The following GPC3 variants were observed in gnomAD, a reference collection of about 807,000 sequenced individuals.
The protein encoded by GPC3 is glypican-3.
In GPC3, 3 loss-of-function variants were observed where a neutral mutation model predicts 34.4. The ratio of observed to expected loss-of-function variants is 0.09; its 90% CI spans 0.04 to 0.23. The LOEUF (loss-of-function observed/expected upper bound fraction) is 0.23. Ranked by LOEUF, GPC3 falls within the 10% of genes least tolerant of loss-of-function variation. The pLI, the probability that GPC3 is intolerant of heterozygous loss-of-function variation, is 1.00. For synonymous variants in GPC3, 177 were observed against 174.0 expected, an observed-to-expected ratio of 1.02 and a Z score of -0.13; for missense variants, 351 against 445.6, an observed-to-expected ratio of 0.79 and a Z score of 1.91.
At chrX:133,743,568 T>A (rs1282530743) in intron 3 of GPC3, among the ~76,000 whole-genome samples, 1 of 112,032 alleles carries the variant, frequency 8.9e-6, no homozygotes, top group Non-Finnish European at 1.9e-5. Context: ...AGAGGAACCT[T>A]GCTCCAAGTG....
At position 133,957,846 on chromosome X, in the gene GPC3, A is replaced by AT. The variant is rs200140123; in HGVS notation, c.176-4636dup. On this transcript the variant is annotated intron_variant, in intron 1 of 7. Transcript: ENST00000370818. Reference sequence around the variant, plus strand: ...GAGGAGTTCTCACTTTATTATTATTATTTTTTTTTTGTAAAAATGGAATTC... The same window carrying AT: ...GAGGAGTTCTCACTTTATTATTATTATTTTTTTTTTTGTAAAAATGGAATTC... Among the ~76,000 whole-genome samples, 427 of 107,815 alleles carry AT rather than the reference A, an allele frequency of 4.0e-3. 3 individuals carry two copies. The highest frequency in any genetic ancestry group is 0.035 in the East Asian group (122 of 3,475). The allele number at this position is 107,815 out of a possible 115,157, so 93.6% of individuals were successfully genotyped here. A position where few individuals can be genotyped will look rare whatever the true frequency, so the allele number is the denominator to read the frequency against.
intron 6 of GPC3, 133 bp downstream of exon 6, chrX:133,661,597 T>C (rs892368407): frequency 8.1e-4 from 18 of 22,335 alleles, no homozygotes; most frequent in African/African-American, 4.8e-3. Context: ...TCTCTCTCTC[T>C]CTCTCTCTCT....
chrX:133,967,283 T>C (rs762679531), intron 1 of GPC3, among the ~76,000 whole-genome samples: 1 of 112,715 alleles, frequency 8.9e-6, no homozygotes, highest in African/African-American at 3.2e-5. Flanking sequence ...TCAGGAGCTA[T>C]GAAAAACACA....
chrX:133,914,954 T>A (rs1189945970), intron 2 of GPC3, among the ~76,000 whole-genome samples: 1 of 88,616 alleles, frequency 1.1e-5, no homozygotes, highest in Non-Finnish European at 2.1e-5. Context: ...AATATATATA[T>A]ATATATATAT....
At chrX:133,641,192 C>T (rs1298828861) in intron 6 of GPC3, among the ~76,000 whole-genome samples, 1 of 110,575 alleles carries the variant, frequency 9.0e-6, no homozygotes, top group Admixed American at 9.6e-5. Flanking sequence ...AAAAGATGTC[C>T]AGGCCAGGTG....
At chrX:133,750,793 G>T (rs2071658998) in intron 3 of GPC3, among the ~76,000 whole-genome samples, 1 of 110,994 alleles carries the variant, frequency 9.0e-6, no homozygotes, top group African/African-American at 3.3e-5. Context: ...GCACCACATG[G>T]CCAGGCGTGG....
intron 7 of GPC3, among the ~76,000 whole-genome samples, chrX:133,587,349 T>C (rs1368505244): frequency 8.9e-6 from 1 of 112,190 alleles, no homozygotes; most frequent in Non-Finnish European, 1.9e-5. Flanking sequence ...TCATCTGTTG[T>C]TGGAAACCAA....
intron 2 of GPC3, among the ~76,000 whole-genome samples, chrX:133,860,576 ACT>A (rs1416330865): frequency 8.9e-6 from 1 of 111,736 alleles, no homozygotes; most frequent in Non-Finnish European, 1.9e-5. Context: ...TATGAGGAAG[ACT>A]CTATCATTAT....
chrX:133,813,730 G>A (rs1046949729), intron 2 of GPC3, among the ~76,000 whole-genome samples: 1 of 112,290 alleles, frequency 8.9e-6, no homozygotes, highest in Non-Finnish European at 1.9e-5. Flanking sequence ...GCACCCATCA[G>A]CAGACAGCCC....
intron 2 of GPC3, among the ~76,000 whole-genome samples, chrX:133,890,406 C>A (rs1442895559): frequency 1.8e-5 from 2 of 110,367 alleles, no homozygotes; most frequent in South Asian, 7.8e-4. Context: ...AAATGTCCAT[C>A]AATTGATGAA....
intron 1 of GPC3, among the ~76,000 whole-genome samples, chrX:133,966,708 T>C (rs183534415): frequency 8.9e-6 from 1 of 112,072 alleles, no homozygotes; most frequent in Non-Finnish European, 1.9e-5. Flanking sequence ...AGAAGCGCTG[T>C]TATTGATCTT....
At chrX:133,943,634 A>G (rs926026547) in intron 2 of GPC3, among the ~76,000 whole-genome samples, 1 of 112,418 alleles carries the variant, frequency 8.9e-6, no homozygotes, top group Non-Finnish European at 1.9e-5. Context: ...AAGGCTTTCA[A>G]GAAAAGGGAG....
intron 7 of GPC3, among the ~76,000 whole-genome samples, chrX:133,546,189 A>C (rs1428984721): frequency 9.0e-6 from 1 of 111,291 alleles, no homozygotes; most frequent in East Asian, 2.8e-4. Context: ...ACAGAAACTT[A>C]TGCTGGAATT....
At chrX:133,838,920 G>C (rs1373312169) in intron 2 of GPC3, among the ~76,000 whole-genome samples, 1 of 111,610 alleles carries the variant, frequency 9.0e-6, no homozygotes, top group African/African-American at 3.3e-5. Flanking sequence ...AGTGTTAAGG[G>C]AGCAGACTTC....
intron 3 of GPC3, among the ~76,000 whole-genome samples, chrX:133,703,306 A>G (rs2071181924): frequency 9.0e-6 from 1 of 111,668 alleles, no homozygotes; most frequent in East Asian, 2.8e-4. Context: ...AGACTGGAAT[A>G]TAAAACCTTT....
intron 2 of GPC3, among the ~76,000 whole-genome samples, chrX:133,951,047 AGTGT>A (rs373690687): frequency 0.072 from 5,518 of 76,628 alleles, 366 homozygotes; most frequent in African/African-American, 0.21. Context: ...AATTCAAGAA[AGTGT>A]GTGTGTGTGT....
intron 1 of GPC3, among the ~76,000 whole-genome samples, chrX:133,958,841 G>A (rs773867603): frequency 1.0e-3 from 105 of 104,528 alleles, no homozygotes; most frequent in African/African-American, 3.3e-3. Context: ...AGCTGAGATC[G>A]TGCCACTGCA....
chrX:133,953,165 T>C lies in GPC3; in HGVS notation c.222A>G (p.Ser74=). 1 of 1,209,169 alleles carries C rather than the reference T, an allele frequency of 8.3e-7. No individual in the cohort carries two copies. Among genetic ancestry groups the C allele is most frequent in the Non-Finnish European group, 1.1e-6 (1 of 893,482 alleles). Residue 74 remains serine, a synonymous_variant, in exon 2 of 8, where the codon TCA becomes TCG. Coordinates refer to ENST00000370818, the MANE Select transcript of GPC3 (RefSeq NM_004484.4). The part of the protein sequence containing the change: ...VCLPKGPTCC[S]RKMEEKYQLT... ...GTTGGTATTTTTCTTCCATCTTTCT[T>C]GAGCAGCATGTTGGGCCCTTAGGGA...
chrX:133,544,531 TTACA>T (rs752485763), intron 7 of GPC3, among the ~76,000 whole-genome samples: 6 of 111,285 alleles, frequency 5.4e-5, no homozygotes, highest in Non-Finnish European at 1.1e-4. Context: ...CACCACTTAC[TTACA>T]TACTTACTAT....
Sources: allele counts gnomAD v4.1 joint callset (sites outside exome capture counted in the v4.1 genomes callset), GRCh38; gene constraint gnomAD v4.1.1; transcripts MANE v1.5; gene names NCBI Gene and HGNC (gene_info 2026-07-23, HGNC 2026-07-21).